ZFHX3: variants seen among roughly 807,000 people sequenced by gnomAD.
ZFHX3 encodes zinc finger homeobox 3, also known as zinc finger homeobox protein 3.
ZFHX3 carries 42 observed loss-of-function variants against 279.1 expected under a neutral mutation model. That is an observed-to-expected ratio of 0.15 (90% CI 0.12 to 0.19). ZFHX3 has a LOEUF of 0.19. Ranked by LOEUF, ZFHX3 falls within the 10% of genes least tolerant of loss-of-function variation. The pLI is 1.00. For synonymous variants in ZFHX3, 2,293 were observed against 1,957.8 expected (o/e 1.17, Z -4.52); for missense variants, 4,981 against 4,754.0 (o/e 1.05, Z -1.40).
At chr16:73,772,048 G>T (rs1197178563) in intron 1 of ZFHX3, among the ~76,000 whole-genome samples, 1 of 151,942 alleles carries the variant, frequency 6.6e-6, no homozygotes, top group Non-Finnish European at 1.5e-5. Context: ...CTCTTAAACT[G>T]TGGGGATGTG....
At chr16:73,226,180 G>C (rs2012585221) in intron 5 of ZFHX3, among the ~76,000 whole-genome samples, 1 of 152,210 alleles carries the variant, frequency 6.6e-6, no homozygotes, top group Non-Finnish European at 1.5e-5. Flanking sequence ...CAGGACAACT[G>C]TAACTGAAGG....
At chr16:72,921,066 T>A (rs2039570055) in intron 3 of ZFHX3, among the ~76,000 whole-genome samples, 1 of 86,312 alleles carries the variant, frequency 1.2e-5, no homozygotes, top group Non-Finnish European at 2.0e-5. Flanking sequence ...AGCCAGACCT[T>A]GTCAAAAAAA....
At chr16:72,945,983 C>A (rs1960653168) in intron 3 of ZFHX3, among the ~76,000 whole-genome samples, 2 of 152,170 alleles carry the variant, frequency 1.3e-5, no homozygotes, top group African/African-American at 4.8e-5. Context: ...CTGACTTCAC[C>A]TACATTTTCT....
chr16:73,491,539 C>T (rs986208155), intron 2 of ZFHX3, among the ~76,000 whole-genome samples: 1 of 152,188 alleles, frequency 6.6e-6, no homozygotes, highest in Non-Finnish European at 1.5e-5. Context: ...GTGGCATCCT[C>T]ACTACTTCAT....
chr16:72,991,007 A>G (rs1180017529), intron 1 of ZFHX3, among the ~76,000 whole-genome samples: 2 of 150,362 alleles, frequency 1.3e-5, no homozygotes, highest in Non-Finnish European at 1.5e-5. Flanking sequence ...AAAAAAAAAG[A>G]GAGAGAAATG....
rs62639994 is a variant in ZFHX3 at position 72,796,631 on chromosome 16, C to G, written c.6051G>C (p.Arg2017Ser). 1.9e-6 allele frequency: 3 copies of G among 1,613,898 alleles called. No homozygotes were observed. In the East Asian group the frequency reaches 6.7e-5, roughly 36 times the overall value. ...AGTGGTCTCTGTACTGTTTGGCAAACCTCTCGAGCTGTTTGAAAGGAAAGT... is the reference window on the plus strand; with the variant it reads ...AGTGGTCTCTGTACTGTTTGGCAAAGCTCTCGAGCTGTTTGAAAGGAAAGT... ...QNYFPFKQLE[R>S]FAKQYRDHYD... The change falls in exon 9 of 10, where the codon AGG becomes AGC. Residue 2017 changes from arginine to serine, a missense_variant. By Grantham distance (110) the Arg-to-Ser change is moderately radical (BLOSUM62 -1). Transcript: ENST00000268489.
chr16:73,528,128 G>C (rs535302300), intron 2 of ZFHX3, among the ~76,000 whole-genome samples: 1 of 152,268 alleles, frequency 6.6e-6, no homozygotes, highest in East Asian at 1.9e-4. Flanking sequence ...GGAGAGCTTT[G>C]ACATATGGGA....
At chr16:73,145,393 T>G (rs1213892934) in intron 5 of ZFHX3, among the ~76,000 whole-genome samples, 1 of 152,180 alleles carries the variant, frequency 6.6e-6, no homozygotes, top group Non-Finnish European at 1.5e-5. Flanking sequence ...CAGCTAACAC[T>G]GTTGTCAAAT....
At chr16:73,699,423 T>G (rs1231783299) in intron 1 of ZFHX3, among the ~76,000 whole-genome samples, 2 of 152,196 alleles carry the variant, frequency 1.3e-5, no homozygotes, top group Non-Finnish European at 2.9e-5. Flanking sequence ...CTCAGTCATG[T>G]CCCCAGTGGT....
At position 72,786,322 on chromosome 16, in the gene ZFHX3, G is replaced by A. The variant is rs968032671; in HGVS notation, c.*842C>T. The A allele has an allele frequency of 1.3e-5, 2 of 150,752 alleles. No homozygotes were observed. The highest frequency in any genetic ancestry group is 6.6e-5 in the Admixed American group (1 of 15,120). The allele number at this position is 150,752 out of a possible 1,614,324, so 9.3% of individuals were successfully genotyped here. A position where few individuals can be genotyped will look rare whatever the true frequency, so the allele number is the denominator to read the frequency against. ...CAACAATCTACTCAACACCAAAAAT[G>A]GTCATATCTATCATAAATACAGAAA... On this transcript the variant is annotated 3_prime_UTR_variant, in exon 10 of 10. Coordinates refer to ENST00000268489, the MANE Select transcript of ZFHX3 (RefSeq NM_006885.4).
intron 1 of ZFHX3, among the ~76,000 whole-genome samples, chr16:73,755,552 C>T (rs1456259369): frequency 6.6e-6 from 1 of 152,130 alleles, no homozygotes; most frequent in African/African-American, 2.4e-5. Flanking sequence ...CCAAACAATT[C>T]AATTTTTTTT....
chr16:73,645,249 A>C (rs1236212777), intron 2 of ZFHX3, among the ~76,000 whole-genome samples: 2 of 152,052 alleles, frequency 1.3e-5, no homozygotes, highest in African/African-American at 2.4e-5. Flanking sequence ...ATCTTTTTAA[A>C]TCATTATTAT....
At chr16:73,842,543 C>A (rs1388654897) in intron 1 of ZFHX3, among the ~76,000 whole-genome samples, 2 of 152,150 alleles carry the variant, frequency 1.3e-5, no homozygotes, top group Non-Finnish European at 2.9e-5. Context: ...TCTGTCCCCT[C>A]TGACTCCACC....
rs2035394989 is a variant in ZFHX3 at position 72,786,786 on chromosome 16, C to CA, written c.*377_*378insT. ...GCTTTCCCATACAGTGCATGCCGGGCTCCTCTGTGCTATCAGCGTGGGGCG... is the reference window on the plus strand; with the variant it reads ...GCTTTCCCATACAGTGCATGCCGGGCATCCTCTGTGCTATCAGCGTGGGGCG... On this transcript the variant is annotated 3_prime_UTR_variant, in exon 10 of 10. Coordinates refer to ENST00000268489, the MANE Select transcript of ZFHX3 (RefSeq NM_006885.4). 1 of 153,712 alleles carries CA rather than the reference C, an allele frequency of 6.5e-6. No individual in the cohort carries two copies. Among genetic ancestry groups the CA allele is most frequent in the Non-Finnish European group, 1.4e-5 (1 of 68,984 alleles). The allele number at this position is 153,712 out of a possible 1,614,324, so 9.5% of individuals were successfully genotyped here. A position where few individuals can be genotyped will look rare whatever the true frequency, so the allele number is the denominator to read the frequency against.
intron 1 of ZFHX3, among the ~76,000 whole-genome samples, chr16:73,699,231 C>T (rs1037235050): frequency 1.3e-5 from 2 of 152,060 alleles, no homozygotes; most frequent in African/African-American, 2.4e-5. Flanking sequence ...TGCAAGATAT[C>T]GAGAGGAAGC....
intron 3 of ZFHX3, among the ~76,000 whole-genome samples, chr16:72,896,165 C>A (rs937154270): frequency 6.6e-6 from 1 of 152,176 alleles, no homozygotes; most frequent in Non-Finnish European, 1.5e-5. Flanking sequence ...ATTTGGCACA[C>A]GTTCGGGGGT....
At chr16:72,873,626 C>T (rs192091102) in intron 4 of ZFHX3, among the ~76,000 whole-genome samples, 95 of 152,298 alleles carry the variant, frequency 6.2e-4, no homozygotes, top group African/African-American at 2.2e-3. Context: ...GCTCCTTACA[C>T]TTCAAGTTCG....
chr16:73,737,955 G>A (rs528971919), intron 1 of ZFHX3, among the ~76,000 whole-genome samples: 14 of 152,238 alleles, frequency 9.2e-5, no homozygotes, highest in South Asian at 2.1e-4. Flanking sequence ...TAGCAGCTCT[G>A]ATAAAAGGTT....
At chr16:73,240,837 G>C (rs1483515409) in intron 5 of ZFHX3, among the ~76,000 whole-genome samples, 1 of 152,204 alleles carries the variant, frequency 6.6e-6, no homozygotes, top group Non-Finnish European at 1.5e-5. Context: ...TGAAAGAGTA[G>C]AGTTTTGCTT....
Sources: gnomAD v4.1 joint callset for allele counts (sites outside exome capture counted in the v4.1 genomes callset) on GRCh38, gnomAD v4.1.1 for gene constraint, MANE v1.5 for transcripts, NCBI Gene and HGNC (gene_info 2026-07-23, HGNC 2026-07-21) for gene names.